TJP2: variants seen among roughly 807,000 people sequenced by gnomAD.
TJP2 encodes Friedreich ataxia region gene X104 (tight junction protein ZO-2).
TJP2 carries 91 observed loss-of-function variants against 133.1 expected under a neutral mutation model. That is an observed-to-expected ratio of 0.68 (90% CI 0.58 to 0.81). The LOEUF (loss-of-function observed/expected upper bound fraction) is 0.81. TJP2 is among the 40% of genes least tolerant of loss of function. The pLI is 0.00. For synonymous variants in TJP2, 592 were observed against 583.4 expected (o/e 1.01, Z -0.21); for missense variants, 1,541 against 1,565.6 (o/e 0.98, Z 0.26).
chr9:69,248,437 GT>G, intron 19 of TJP2: 1 of 1,420,534 alleles, frequency 7.0e-7, no homozygotes, highest in South Asian at 1.7e-5. Flanking sequence ...AGCTTGAGGG[GT>G]CAGCACTCCG....
rs548009250 is a variant in TJP2 at position 69,156,081 on chromosome 9, T to C, written c.-10+4310T>C. 9.2e-5 allele frequency among the ~76,000 whole-genome samples: 14 copies of C among 152,314 alleles called. No individual in the cohort carries two copies. In the South Asian group the frequency reaches 2.9e-3, roughly 32 times the overall value. ...CAAAGTCTCAATCAACTTAGAGAGT[T>C]TGGCCAGGCAGGGTGGCTCACGCCT... On this transcript the variant is annotated intron_variant, in intron 2 of 5. Transcript: ENST00000423935.
In TJP2 at chr9:69,246,747, T is replaced by C. The variant is rs756322608; in HGVS notation, c.2624T>C (p.Ile875Thr). 1.1e-5 allele frequency: 17 copies of C among 1,614,006 alleles called. No individual in the cohort carries two copies. The highest frequency in any genetic ancestry group is 1.1e-5 in the South Asian group (1 of 91,084). The stretch of plus-strand genomic sequence containing the variant: ...TGGTTTGGCAGCTTAAAGGACACTA[T>C]TCAGCATCAGCAAGGAGAAGCGGTT... The part of the protein sequence containing the change: ...DSWFGSLKDT[I>T]QHQQGEAVWV... The change falls in exon 18 of 23, where the codon ATT (isoleucine) becomes ACT (threonine). Residue 875 changes from isoleucine (I) to threonine (T), a missense_variant. Transcript: ENST00000377245.
intron 5 of TJP2, among the ~76,000 whole-genome samples, chr9:69,222,178 CTTT>C (rs34092260): frequency 1.4e-5 from 2 of 140,258 alleles, no homozygotes; most frequent in South Asian, 4.6e-4. Context: ...GGCCAGCTAA[CTTT>C]TTTTTTTTTT....
intron 2 of TJP2, among the ~76,000 whole-genome samples, chr9:69,162,527 T>C (rs1185136707): frequency 6.6e-6 from 1 of 152,216 alleles, no homozygotes; most frequent in African/African-American, 2.4e-5. Context: ...TTGTCCTCTA[T>C]ACTAGTTTGA....
At position 69,137,270 on chromosome 9, in the gene TJP2, TTTTTCTTTCTTTCTTTCTTTCTTTC is replaced by T. The variant is rs1479048436; in HGVS notation, c.-130-14377_-130-14353del. ...CTCTCTTTCTTTCTTTCTTTCTTTC[TTTTTCTTTCTTTCTTTCTTTCTTTC>T]TTTCTTTTCTTTTCTTTTCTTTTCT... is the stretch of plus-strand genomic sequence containing the variant. On this transcript the variant is annotated intron_variant, in intron 1 of 5. Transcript: ENST00000423935. Among the ~76,000 whole-genome samples the T allele has an allele frequency of 1.8e-3, 160 of 91,032 alleles. 1 individual carries two copies. The highest frequency in any genetic ancestry group is 7.6e-3 in the African/African-American group (146 of 19,252). The allele number at this position is 91,032 out of a possible 152,430, so 59.7% of individuals were successfully genotyped here. A position where few individuals can be genotyped will look rare whatever the true frequency, so the allele number is the denominator to read the frequency against.
intron 1 of TJP2, among the ~76,000 whole-genome samples, chr9:69,211,362 C>G (rs955473034): frequency 1.3e-5 from 2 of 152,048 alleles, no homozygotes; most frequent in African/African-American, 4.8e-5. Context: ...AAACAAAAAA[C>G]CAACATATAC....
At chr9:69,152,621 C>T (rs551676866) in intron 2 of TJP2, among the ~76,000 whole-genome samples, 2 of 151,988 alleles carry the variant, frequency 1.3e-5, no homozygotes, top group Admixed American at 1.3e-4. Flanking sequence ...GCCTCAGATC[C>T]TTCATCTGTA....
At chr9:69,194,052 A>G (rs1024043251) in intron 1 of TJP2, among the ~76,000 whole-genome samples, 1 of 152,176 alleles carries the variant, frequency 6.6e-6, no homozygotes, top group African/African-American at 2.4e-5. Flanking sequence ...AACGGTTTAA[A>G]ATAAAATTAT....
chr9:69,202,505 A>G (rs1345170739), intron 1 of TJP2, among the ~76,000 whole-genome samples: 1 of 152,210 alleles, frequency 6.6e-6, no homozygotes, highest in South Asian at 2.1e-4. Context: ...TGACTCCCCC[A>G]AAACTTAACT....
chr9:69,238,850 T>G, intron 16 of TJP2, 61 bp downstream of exon 16: 1 of 1,365,490 alleles, frequency 7.3e-7, no homozygotes, highest in Non-Finnish European at 1.0e-6. Flanking sequence ...TTTGCTGCAG[T>G]CACTTTTAGG....
At chr9:69,150,643 T>G (rs1410366338) in intron 1 of TJP2, among the ~76,000 whole-genome samples, 1 of 152,206 alleles carries the variant, frequency 6.6e-6, no homozygotes, top group Non-Finnish European at 1.5e-5. Context: ...GATATTTGTT[T>G]AACCTGAAAG....
chr9:69,250,652 C>T lies in TJP2; in HGVS notation c.2992-383C>T, dbSNP rs139364612. ...TCTCACCTGGGCCGGCTCATGTACC[C>T]TCAGTGCAGCAGTGACCTCAGAAGC... On this transcript the variant is annotated intron_variant, in intron 20 of 22. Coordinates refer to ENST00000377245, the MANE Select transcript of TJP2 (RefSeq NM_004817.4). Among the ~76,000 whole-genome samples, 311 of 152,306 alleles carry T rather than the reference C, an allele frequency of 2.0e-3. 3 individuals are homozygous for T. The highest frequency in any genetic ancestry group is 5.4e-3 in the Admixed American group (83 of 15,302).
At chr9:69,201,199 T>TG (rs1449949928) in intron 1 of TJP2, among the ~76,000 whole-genome samples, 1 of 152,186 alleles carries the variant, frequency 6.6e-6, no homozygotes, top group East Asian at 1.9e-4. Flanking sequence ...TCTGTAAGTA[T>TG]GGAAGCTAGG....
At chr9:69,225,117 A>AGG (rs1829235590) in intron 5 of TJP2, among the ~76,000 whole-genome samples, 187 bp from the exon 6 acceptor site, 2 of 152,148 alleles carry the variant, frequency 1.3e-5, no homozygotes, top group East Asian at 1.9e-4. Flanking sequence ...AATCTGGAAC[A>AGG]GTTTCTCTAC....
intron 1 of TJP2, among the ~76,000 whole-genome samples, chr9:69,137,243 CTCTCTCTTTCTTTCTT>C (rs1822782617): frequency 2.3e-5 from 1 of 44,018 alleles, no homozygotes; most frequent in Non-Finnish European, 5.3e-5. Context: ...CTTTCTTTCT[CTCTCTCTTTCTTTCTT>C]TCTTTCTTTC....
intron 15 of TJP2, among the ~76,000 whole-genome samples, chr9:69,238,507 C>A (rs377428710): frequency 6.6e-6 from 1 of 152,138 alleles, no homozygotes; most frequent in Non-Finnish European, 1.5e-5. Context: ...CTAGTTGTCT[C>A]CTAGAATGCT....
At chr9:69,254,019 T>C in intron 22 of TJP2, 190 bp from the exon 23 acceptor site, 2 of 673,442 alleles carry the variant, frequency 3.0e-6, no homozygotes, top group East Asian at 2.7e-5. Context: ...ACCGCCGAAG[T>C]GGGCATTGGA....
chr9:69,137,162 C>T lies in TJP2; in HGVS notation c.-130-14489C>T, dbSNP rs1157842954. ...CAGGTCGGCAGCCTCTCGTCATGAG[C>T]TGAGGTTTTGTCCAGCTGCCCACAC... On this transcript the variant is annotated intron_variant, in intron 1 of 5. Coordinates refer to the TJP2 transcript ENST00000423935. 2.0e-5 allele frequency among the ~76,000 whole-genome samples: 3 copies of T among 152,244 alleles called. No homozygotes were observed. The East Asian group carries it at 5.8e-4, about 29-fold the overall frequency.
intron 2 of TJP2, among the ~76,000 whole-genome samples, chr9:69,162,761 CAG>C (rs1174339559): frequency 7.9e-5 from 12 of 152,168 alleles, no homozygotes; most frequent in Non-Finnish European, 1.8e-4. Context: ...CTTGTCTGTG[CAG>C]AGAGATACCT....
Sources: gnomAD v4.1 joint callset for allele counts (sites outside exome capture counted in the v4.1 genomes callset) on GRCh38, gnomAD v4.1.1 for gene constraint, MANE v1.5 for transcripts, NCBI Gene and HGNC (gene_info 2026-07-23, HGNC 2026-07-21) for gene names.